WDR70: variants seen among roughly 807,000 people sequenced by gnomAD.
The protein encoded by WDR70 is WD repeat domain 70.
In WDR70, 53 loss-of-function variants were observed where a neutral mutation model predicts 88.6. The observed-to-expected ratio is 0.60, with a 90% CI of 0.48 to 0.75. WDR70 has a LOEUF of 0.75. WDR70 is among the 30% of genes least tolerant of loss of function. The pLI is 0.00. For missense variants in WDR70, 610 were observed against 823.2 expected (o/e 0.74, Z 3.17); for synonymous variants, 280 against 270.0 (o/e 1.04, Z -0.36).
At chr5:37,699,957 AAAAAAC>A (rs1156749479) in intron 11 of WDR70, among the ~76,000 whole-genome samples, 7 of 141,240 alleles carry the variant, frequency 5.0e-5, no homozygotes, top group Admixed American at 7.8e-5. Context: ...AAAAAAAAAC[AAAAAAC>A]AAAAACAAAA....
chr5:37,601,827 C>A (rs1743891892), intron 9 of WDR70, among the ~76,000 whole-genome samples: 1 of 152,120 alleles, frequency 6.6e-6, no homozygotes, highest in Non-Finnish European at 1.5e-5. Flanking sequence ...ACCCAAATGT[C>A]CATCAGTAAT....
chr5:37,628,311 C>T (rs147987266), intron 10 of WDR70, among the ~76,000 whole-genome samples: 2 of 152,284 alleles, frequency 1.3e-5, no homozygotes, highest in African/African-American at 4.8e-5. Flanking sequence ...TTCCCTACTA[C>T]ATATTGAAGT....
chr5:37,508,034 G>C (rs1432587826), intron 8 of WDR70, among the ~76,000 whole-genome samples: 4 of 151,972 alleles, frequency 2.6e-5, no homozygotes, highest in African/African-American at 7.3e-5. Context: ...GGTGGGGTCA[G>C]GTATCTTTGC....
chr5:37,518,156 C>T (rs1649360934), intron 9 of WDR70, among the ~76,000 whole-genome samples: 1 of 151,908 alleles, frequency 6.6e-6, no homozygotes, highest in Admixed American at 6.6e-5. Context: ...CTCAGGTGAT[C>T]CACCCACTTT....
chr5:37,399,613 AT>A (rs1281755112), intron 5 of WDR70, among the ~76,000 whole-genome samples: 1 of 152,206 alleles, frequency 6.6e-6, no homozygotes, highest in Non-Finnish European at 1.5e-5. Flanking sequence ...ACCGTTTTAA[AT>A]TCTTTTGCCA....
rs566948332 is a variant in WDR70 at position 37,462,807 on chromosome 5, T to A, written c.687-17027T>A. Among the ~76,000 whole-genome samples, 469 of 152,148 alleles carry A rather than the reference T, an allele frequency of 3.1e-3. 1 individual carries two copies. Among genetic ancestry groups the A allele is most frequent in the African/African-American group, 0.011 (441 of 41,518 alleles). On this transcript the variant is annotated intron_variant, in intron 7 of 17. Coordinates refer to ENST00000265107, the MANE Select transcript of WDR70 (RefSeq NM_018034.4). ...TTACTGTACTAGGTGTCTTTATGTA[T>A]ATTATTTTTAATCCTCACCCAATTT...
In WDR70 at chr5:37,728,845, C is replaced by T. The variant is rs1041538196; in HGVS notation, c.1877+1800C>T. Among the ~76,000 whole-genome samples the T allele has an allele frequency of 2.6e-5, 4 of 152,138 alleles. 1 individual carries two copies. The East Asian group carries it at 7.7e-4, about 29-fold the overall frequency. ...CATCCGTGAATGAATTTGCCTATAA[C>T]AGTTATTACTATGGTGTTTGCCTAA... is the stretch of plus-strand genomic sequence containing the variant. On this transcript the variant is annotated intron_variant, in intron 17 of 17. Transcript: ENST00000265107.
At chr5:37,619,289 A>C (rs78679333) in intron 10 of WDR70, among the ~76,000 whole-genome samples, 20,707 of 151,920 alleles carry the variant, frequency 0.14, 1,606 homozygotes, top group South Asian at 0.27. Context: ...AAAAAAAAAA[A>C]AACTTTTGAC....
intron 10 of WDR70, among the ~76,000 whole-genome samples, chr5:37,679,131 G>T (rs574875611): frequency 1.4e-5 from 2 of 139,528 alleles, no homozygotes; most frequent in Non-Finnish European, 3.2e-5. Context: ...TTATACATTC[G>T]TCTAAATTTT....
chr5:37,418,921 G>T (rs1240259377), intron 5 of WDR70, among the ~76,000 whole-genome samples: 1 of 151,838 alleles, frequency 6.6e-6, no homozygotes, highest in African/African-American at 2.4e-5. Context: ...CTGCCAACTC[G>T]CCTGGCTAAT....
intron 9 of WDR70, among the ~76,000 whole-genome samples, chr5:37,542,309 C>G (rs1383683475): frequency 6.7e-6 from 1 of 149,390 alleles, no homozygotes; most frequent in Non-Finnish European, 1.5e-5. Context: ...ACAAAGAGTC[C>G]TGCTCTGTCA....
intron 5 of WDR70, among the ~76,000 whole-genome samples, chr5:37,416,583 CTT>C (rs766896054): frequency 1.2e-4 from 16 of 129,148 alleles, no homozygotes; most frequent in Admixed American, 1.5e-4. Context: ...GAGAGGGCTT[CTT>C]TTTTTTTTTT....
intron 7 of WDR70, among the ~76,000 whole-genome samples, chr5:37,469,254 T>C (rs1581310228): frequency 6.6e-6 from 1 of 152,018 alleles, no homozygotes; most frequent in Admixed American, 6.6e-5. Flanking sequence ...GATAGTAGGG[T>C]GGCAGTAGGA....
At chr5:37,462,372 G>C (rs1490312901) in intron 7 of WDR70, among the ~76,000 whole-genome samples, 2 of 151,982 alleles carry the variant, frequency 1.3e-5, no homozygotes, top group Non-Finnish European at 2.9e-5. Flanking sequence ...GCGTGATCCT[G>C]GCTCACTGCA....
At chr5:37,419,647 C>T (rs1581264441) in intron 5 of WDR70, among the ~76,000 whole-genome samples, 1 of 151,650 alleles carries the variant, frequency 6.6e-6, no homozygotes, top group South Asian at 2.1e-4. Context: ...AACTCCATCT[C>T]TACTAAAAAT....
chr5:37,653,015 G>T (rs374699127), intron 10 of WDR70, among the ~76,000 whole-genome samples: 3 of 152,268 alleles, frequency 2.0e-5, no homozygotes, highest in East Asian at 3.9e-4. Context: ...CTTGTCTTGT[G>T]CTGGTTTTCA....
intron 10 of WDR70, among the ~76,000 whole-genome samples, chr5:37,607,988 A>G (rs533589253): frequency 6.6e-6 from 1 of 152,122 alleles, no homozygotes; most frequent in East Asian, 1.9e-4. Context: ...GGAGCAGTAA[A>G]AGCATGCACC....
intron 9 of WDR70, among the ~76,000 whole-genome samples, chr5:37,538,617 G>A (rs529380883): frequency 2.0e-5 from 3 of 152,266 alleles, no homozygotes; most frequent in South Asian, 2.1e-4. Flanking sequence ...AGTGTGAGTT[G>A]GAGATGCTAG....
chr5:37,381,225 C>T (rs1331845740), intron 2 of WDR70, among the ~76,000 whole-genome samples: 2 of 152,200 alleles, frequency 1.3e-5, no homozygotes, highest in Non-Finnish European at 2.9e-5. Context: ...ACTTCTTCTG[C>T]CATAGCTGTT....
Sources: gnomAD v4.1 joint callset for allele counts (sites outside exome capture counted in the v4.1 genomes callset) on GRCh38, gnomAD v4.1.1 for gene constraint, MANE v1.5 for transcripts, NCBI Gene and HGNC (gene_info 2026-07-23, HGNC 2026-07-21) for gene names.